Variants in ASAP2 observed in about 807,000 individuals in gnomAD.
The protein encoded by ASAP2 is arf-GAP with SH3 domain, ANK repeat and PH domain-containing protein 2.
A neutral mutation model predicts 131.4 loss-of-function variants in ASAP2; 45 were observed. That is an observed-to-expected ratio of 0.34 (90% CI 0.27 to 0.44). The LOEUF is 0.44. Among genes scored for constraint, ASAP2 ranks in the 20% least tolerant of loss-of-function variants. ASAP2 has a pLI of 1.00. For synonymous variants in ASAP2, 510 were observed against 503.0 expected (o/e 1.01, Z -0.19); for missense variants, 1,011 against 1,297.0 (o/e 0.78, Z 3.39).
chr2:9,306,843 G>A (rs1476876411), intron 3 of ASAP2, among the ~76,000 whole-genome samples: 1 of 152,132 alleles, frequency 6.6e-6, no homozygotes, highest in Non-Finnish European at 1.5e-5. Flanking sequence ...CAGCTTAGAA[G>A]GCATGTGGGC....
At chr2:9,249,211 T>C (rs1446576307) in intron 1 of ASAP2, among the ~76,000 whole-genome samples, 1 of 152,172 alleles carries the variant, frequency 6.6e-6, no homozygotes, top group African/African-American at 2.4e-5. Flanking sequence ...AATGGCCTCA[T>C]GTCTTGTTCT....
chr2:9,220,852 C>CTG (rs1182120906), intron 1 of ASAP2, among the ~76,000 whole-genome samples: 1 of 152,020 alleles, frequency 6.6e-6, no homozygotes, highest in East Asian at 1.9e-4. Flanking sequence ...GGTAGGGGTC[C>CTG]AACTTCATTC....
At chr2:9,272,070 T>A (rs1423338506) in intron 1 of ASAP2, among the ~76,000 whole-genome samples, 4 of 152,198 alleles carry the variant, frequency 2.6e-5, no homozygotes, top group Non-Finnish European at 5.9e-5. Context: ...TTTGGGTATG[T>A]ACACAGCAGT....
intron 1 of ASAP2, among the ~76,000 whole-genome samples, chr2:9,250,347 C>T (rs189035291): frequency 3.9e-5 from 6 of 152,236 alleles, no homozygotes; most frequent in East Asian, 1.9e-4. Flanking sequence ...GGAAAGAACA[C>T]GACATGTGAA....
intron 15 of ASAP2, among the ~76,000 whole-genome samples, chr2:9,364,692 C>G (rs1013836731): frequency 6.6e-6 from 1 of 152,184 alleles, no homozygotes; most frequent in Admixed American, 6.5e-5. Context: ...GAAAGCTCCT[C>G]AAAGACGAAG....
At chr2:9,247,196 C>T (rs200713419) in intron 1 of ASAP2, among the ~76,000 whole-genome samples, 2 of 152,152 alleles carry the variant, frequency 1.3e-5, no homozygotes, top group South Asian at 2.1e-4. Flanking sequence ...TCTGTCTGCT[C>T]GTGAGTTTTG....
intron 12 of ASAP2, among the ~76,000 whole-genome samples, chr2:9,353,602 C>T (rs931246302): frequency 6.6e-6 from 1 of 151,772 alleles, no homozygotes; most frequent in Non-Finnish European, 1.5e-5. Flanking sequence ...AGTGGAGGCA[C>T]ATGCATTGAG....
intron 1 of ASAP2, among the ~76,000 whole-genome samples, chr2:9,278,214 C>A (rs1666879230): frequency 6.6e-6 from 1 of 152,148 alleles, no homozygotes; most frequent in South Asian, 2.1e-4. Flanking sequence ...TCACAAGTCA[C>A]CCTTTGCTTT....
rs1667113326 is a variant in ASAP2 at position 9,281,280 on chromosome 2, T to A, written c.199+1891T>A. On this transcript the variant is annotated intron_variant, in intron 2 of 27. Coordinates refer to ENST00000281419, the MANE Select transcript of ASAP2 (RefSeq NM_003887.3). This position sits in a 1 kb window ranked among gnomAD's most constrained non-coding sequence, Gnocchi z 4.0. ...TATCAGAAATAAAAATGAAATAATC[T>A]GTGTCTTATGCAAACACTGGCTGTG... Among the ~76,000 whole-genome samples the A allele has an allele frequency of 1.3e-5, 2 of 152,222 alleles. No individual in the cohort carries two copies. Among genetic ancestry groups the A allele is most frequent in the Admixed American group, 1.3e-4 (2 of 15,278 alleles).
rs202145090 is a variant in ASAP2 at position 9,374,742 on chromosome 2, C to G, written c.1557-13C>G. The G allele has an allele frequency of 6.3e-7, 1 of 1,581,630 alleles. No individual in the cohort carries two copies. The highest frequency in any genetic ancestry group is 8.6e-7 in the Non-Finnish European group (1 of 1,164,264). On this transcript the variant is annotated splice_polypyrimidine_tract_variant and intron_variant, in intron 16 of 27. Transcript: ENST00000281419. ...CCCTTCATGATTTGCAAGGCAATTA[C>G]GTTTGGTTTCAGGAATGCAAGAAAG...
chr2:9,398,853 C>G (rs148197138), intron 24 of ASAP2: 2 of 151,928 alleles, frequency 1.3e-5, no homozygotes, highest in East Asian at 3.9e-4. Flanking sequence ...AGTTTACTAT[C>G]TGCCTCTTTA....
In ASAP2 at chr2:9,392,722, G is replaced by A. The variant is rs117047834; in HGVS notation, c.2519-760G>A. 6.5e-4 allele frequency among the ~76,000 whole-genome samples: 99 copies of A among 152,328 alleles called. 3 individuals are homozygous for A. The East Asian group carries it at 0.018, about 28-fold the overall frequency. Reference sequence around the variant, plus strand: ...ACGCCAGTTTCCTCTCTGTGTAGCTGAAGGCCTCATTCTTCCTGGCTTTTC... The same window carrying A: ...ACGCCAGTTTCCTCTCTGTGTAGCTAAAGGCCTCATTCTTCCTGGCTTTTC... On this transcript the variant is annotated intron_variant, in intron 23 of 27. Transcript: ENST00000281419. This position sits in a 1 kb window ranked among gnomAD's most constrained non-coding sequence, Gnocchi z 4.0.
chr2:9,365,886 G>A (rs1319524268), intron 15 of ASAP2, among the ~76,000 whole-genome samples: 6 of 152,170 alleles, frequency 3.9e-5, no homozygotes, highest in African/African-American at 7.2e-5. Context: ...CAGGAAGGGC[G>A]ACGGACTGGG....
At chr2:9,348,372 G>A (rs765942970) in intron 11 of ASAP2, among the ~76,000 whole-genome samples, 6 of 152,152 alleles carry the variant, frequency 3.9e-5, no homozygotes, top group Non-Finnish European at 8.8e-5. Flanking sequence ...TGATCTACCT[G>A]CCTCAGCCTC....
chr2:9,209,696 A>T (rs978248126), intron 1 of ASAP2, among the ~76,000 whole-genome samples: 1 of 151,990 alleles, frequency 6.6e-6, no homozygotes, highest in African/African-American at 2.4e-5. Flanking sequence ...CAGCCTCCCA[A>T]GTAGCTGGGA....
intron 1 of ASAP2, among the ~76,000 whole-genome samples, chr2:9,261,672 C>A (rs891999910): frequency 2.0e-5 from 3 of 152,184 alleles, no homozygotes; most frequent in Non-Finnish European, 4.4e-5. Context: ...CCAGTGCTGC[C>A]CCCAACCTTT....
intron 1 of ASAP2, among the ~76,000 whole-genome samples, chr2:9,221,915 T>C (rs1558244937): frequency 6.6e-6 from 1 of 151,870 alleles, no homozygotes; most frequent in Non-Finnish European, 1.5e-5. Flanking sequence ...TGCCTCAGCC[T>C]CCCGAGTAGC....
intron 27 of ASAP2, 144 bp from the exon 28 acceptor site, chr2:9,403,109 G>C (rs1171047463): frequency 3.0e-6 from 2 of 662,892 alleles, no homozygotes; most frequent in Non-Finnish European, 5.2e-6. Context: ...AAATCATTTG[G>C]ATGTTTTACC....
intron 7 of ASAP2, among the ~76,000 whole-genome samples, chr2:9,330,269 A>G (rs925494511): frequency 6.6e-6 from 1 of 152,214 alleles, no homozygotes; most frequent in African/African-American, 2.4e-5. Context: ...TTTTGCAGCA[A>G]TAGGGATAGA....
Sources: gnomAD v4.1 joint callset for allele counts (sites outside exome capture counted in the v4.1 genomes callset) on GRCh38, gnomAD v4.1.1 for gene constraint, Gnocchi (gnomAD v3.1) non-coding constraint, MANE v1.5 for transcripts, NCBI Gene and HGNC (gene_info 2026-07-23, HGNC 2026-07-21) for gene names.